The following TRIML1 variants were observed in gnomAD, a reference collection of about 807,000 sequenced individuals.
The protein encoded by TRIML1 is probable E3 ubiquitin-protein ligase TRIML1.
In TRIML1, 34 loss-of-function variants were observed where a neutral mutation model predicts 32.3. The ratio of observed to expected loss-of-function variants is 1.05; its 90% CI spans 0.80 to 1.40. The LOEUF (loss-of-function observed/expected upper bound fraction) is 1.40, where lower values mean the gene tolerates loss of function less well. Ranked by LOEUF, TRIML1 falls within the 40% of genes most tolerant of loss-of-function variation. TRIML1 has a pLI of 0.00. For synonymous variants in TRIML1, 244 were observed against 226.6 expected, an observed-to-expected ratio of 1.08 and a Z score of -0.69; for missense variants, 595 against 574.9, an observed-to-expected ratio of 1.03 and a Z score of -0.36.
intron 5 of TRIML1, among the ~76,000 whole-genome samples, chr4:188,144,634 T>G (rs1734999927): frequency 6.6e-6 from 1 of 152,038 alleles, no homozygotes; most frequent in South Asian, 2.1e-4. Context: ...AGTGCTGGGA[T>G]TACAGGCGTG....
chr4:188,144,369 T>TTC (rs1734978387), intron 5 of TRIML1, among the ~76,000 whole-genome samples: 2 of 150,116 alleles, frequency 1.3e-5, no homozygotes, highest in South Asian at 2.1e-4. Context: ...GGGTCTTTTT[T>TTC]TTTTTTTCTT....
intron 2 of TRIML1, 86 bp downstream of exon 2, chr4:188,140,709 A>G: frequency 9.4e-7 from 1 of 1,058,502 alleles, no homozygotes; most frequent in East Asian, 2.4e-5. Context: ...AGGAAAAAAA[A>G]AAGACAAATT....
At chr4:188,143,900 GCAGTGGTGCTGATGGA>G (rs1018150278) in intron 4 of TRIML1, 40 bp downstream of exon 4, 89 of 1,613,818 alleles carry the variant, frequency 5.5e-5, no homozygotes, top group Non-Finnish European at 7.5e-5. Context: ...AAGCTGCGGG[GCAGTGGTGCTGATGGA>G]CAGTTCTGAG....
intron 1 of TRIML1, 111 bp downstream of exon 1, chr4:188,140,077 G>A: frequency 1.8e-6 from 2 of 1,136,390 alleles, no homozygotes; most frequent in Non-Finnish European, 1.2e-6. Context: ...GCCCATCTGA[G>A]CACCACATCA....
rs58714915 is a variant in TRIML1, at chr4:188,141,165, G to GTTTTTTTT, written c.504+554_504+561dup. 4.9e-4 allele frequency among the ~76,000 whole-genome samples: 58 copies of GTTTTTTTT among 118,812 alleles called. 1 individual carries two copies. Among genetic ancestry groups the GTTTTTTTT allele is most frequent in the East Asian group, 1.1e-3 (4 of 3,652 alleles). The allele number at this position is 118,812 out of a possible 152,430, so 77.9% of individuals were successfully genotyped here. On this transcript the variant is annotated intron_variant, in intron 2 of 5. Transcript: ENST00000332517. Reference sequence around the variant, plus strand: ...ATTCTCCCAATAGACTTTGAAATCTGTTTTTTTTTTTTTTTTTTTGGAGAT... The same window carrying GTTTTTTTT: ...ATTCTCCCAATAGACTTTGAAATCTGTTTTTTTTTTTTTTTTTTTTTTTTTTTGGAGAT...
chr4:188,142,239 T>TGTGTGTGA lies in TRIML1; in HGVS notation c.505-9_505-8insGTGAGTGT. Reference sequence around the variant, plus strand: ...GTGTGTGTGTGTGTGTGTGTGTGTGTGTGTTTTGGCAGGAAGAAACAAAGA... The same window carrying TGTGTGTGA: ...GTGTGTGTGTGTGTGTGTGTGTGTGTGTGTGTGAGTGTTTTGGCAGGAAGAAACAAAGA... On this transcript the variant is annotated splice_polypyrimidine_tract_variant and intron_variant, in intron 2 of 5. Coordinates refer to ENST00000332517, the MANE Select transcript of TRIML1 (RefSeq NM_178556.5). 7.1e-7 allele frequency: 1 copy of TGTGTGTGA among 1,415,264 alleles called. No homozygotes were observed. Among genetic ancestry groups the TGTGTGTGA allele is most frequent in the Middle Eastern group, 1.8e-4 (1 of 5,476 alleles). The allele number at this position is 1,415,264 out of a possible 1,614,324, so 87.7% of individuals were successfully genotyped here. A position where few individuals can be genotyped will look rare whatever the true frequency, so the allele number is the denominator to read the frequency against.
rs753740188 is a variant in TRIML1, at chr4:188,139,801, C to T, written c.243C>T (p.Leu81=). Residue 81 remains leucine, a synonymous_variant, in exon 1 of 6, where the codon CTC becomes CTT. Transcript: ENST00000332517. ...LGRLASIARQ[L]RSQVLQSEDE... is the part of the protein sequence containing the mutation. ...GGCTGGCCAGCATCGCCAGGCAGCT[C>T]CGGTCCCAGGTGCTGCAGAGCGAGG... The T allele has an allele frequency of 6.2e-7, 1 of 1,613,956 alleles. No homozygotes were observed. Among genetic ancestry groups the T allele is most frequent in the South Asian group, 1.1e-5 (1 of 91,080 alleles).
chr4:188,137,295 C>CTTTTTTTTTT (rs67050879), upstream of TRIML1, among the ~76,000 whole-genome samples: 3 of 58,758 alleles, frequency 5.1e-5, no homozygotes, highest in African/African-American at 6.4e-5. Context: ...TTATTGTAGT[C>CTTTTTTTTTT]TTTTTTTTTT....
In TRIML1 at chr4:188,143,707, T is replaced by C. The variant is rs1734948932; in HGVS notation, c.736-131T>C. 14 of 1,085,364 alleles carry C rather than the reference T, an allele frequency of 1.3e-5. No homozygotes were observed. In the South Asian group the frequency reaches 1.9e-4, roughly 15 times the overall value. The allele number at this position is 1,085,364 out of a possible 1,614,324, so 67.2% of individuals were successfully genotyped here. ...ACTGGGGACGCTTTTCTCTGCTCTC[T>C]GTGCTCCCACTCATGGTGTGCTTCA... is the stretch of plus-strand genomic sequence containing the variant. On this transcript the variant is annotated intron_variant, in intron 3 of 5. Coordinates refer to ENST00000332517, the MANE Select transcript of TRIML1 (RefSeq NM_178556.5).
chr4:188,147,591 G>T lies in TRIML1; in HGVS notation c.*219G>T. 2.6e-6 allele frequency: 1 copy of T among 390,872 alleles called. No homozygotes were observed. The highest frequency in any genetic ancestry group is 4.4e-5 in the Admixed American group (1 of 22,484). The allele number at this position is 390,872 out of a possible 1,614,324, so 24.2% of individuals were successfully genotyped here. A position where few individuals can be genotyped will look rare whatever the true frequency, so the allele number is the denominator to read the frequency against. ...TAGAAGAGAGCTGATCATATTCTGT[G>T]TCTTTAAGTAAATGTATTCTCTGGG... On this transcript the variant is annotated 3_prime_UTR_variant, in exon 6 of 6. Coordinates refer to ENST00000332517, the MANE Select transcript of TRIML1 (RefSeq NM_178556.5).
upstream of TRIML1, among the ~76,000 whole-genome samples, chr4:188,138,863 C>A (rs192574607): frequency 6.6e-6 from 1 of 151,982 alleles, no homozygotes; most frequent in Non-Finnish European, 1.5e-5. Context: ...CAGGGAAGAT[C>A]AATAAACAGC....
At chr4:188,150,337 C>A (rs1339100565), downstream of TRIML1, among the ~76,000 whole-genome samples, 1 of 151,676 alleles carries the variant, frequency 6.6e-6, no homozygotes. Flanking sequence ...CCATGTTGGC[C>A]AGGCTGGTCT....
intron 2 of TRIML1, chr4:188,140,968 G>A (rs1048983956): frequency 1.5e-4 from 26 of 170,648 alleles, no homozygotes; most frequent in African/African-American, 4.8e-4. Context: ...AAACATGGAG[G>A]GGAAAATGCA....
Position 188,145,466 on chromosome 4 carries a change from AAAAAAAAAAAG to A in TRIML1, c.856+1334_856+1344del, listed in dbSNP as rs1290454358. Among the ~76,000 whole-genome samples the A allele has an allele frequency of 7.1e-4, 35 of 49,612 alleles. 1 individual carries two copies. Among genetic ancestry groups the A allele is most frequent in the Admixed American group, 2.2e-3 (6 of 2,738 alleles). The allele number at this position is 49,612 out of a possible 152,430, so 32.5% of individuals were successfully genotyped here. ...CAAAAAAAAAAAAAAAAAAAAAAAA[AAAAAAAAAAAG>A]TCAGAAATGGAATGACTGGGGTACC... On this transcript the variant is annotated intron_variant, in intron 5 of 5. Transcript: ENST00000332517.
chr4:188,139,479 C>T lies in TRIML1; in HGVS notation c.-80C>T, dbSNP rs1233308736. 3.5e-6 allele frequency: 5 copies of T among 1,443,826 alleles called. No individual in the cohort carries two copies. In the African/African-American group the frequency reaches 5.7e-5, roughly 16 times the overall value. 89.4% of individuals were successfully genotyped at this position (1,443,826 alleles called of 1,614,324 possible). A position where few individuals can be genotyped will look rare whatever the true frequency, so the allele number is the denominator to read the frequency against. ...AGGAACAGGTCACCCGCGTGTTACTCAAAACTGTAGGACGGCAGTGAGGGC... is the reference window on the plus strand; with the variant it reads ...AGGAACAGGTCACCCGCGTGTTACTTAAAACTGTAGGACGGCAGTGAGGGC... On this transcript the variant is annotated 5_prime_UTR_variant, in exon 1 of 6. Coordinates refer to ENST00000332517, the MANE Select transcript of TRIML1 (RefSeq NM_178556.5).
chr4:188,143,803 C>A (rs1437236151), intron 3 of TRIML1, 35 bp from the exon 4 acceptor site: 1 of 1,613,592 alleles, frequency 6.2e-7, no homozygotes, highest in South Asian at 1.1e-5. Flanking sequence ...ATGATCAAAG[C>A]GCACCATGCT....
chr4:188,138,599 A>G (rs1462735365), upstream of TRIML1, among the ~76,000 whole-genome samples: 2 of 152,094 alleles, frequency 1.3e-5, no homozygotes, highest in Non-Finnish European at 2.9e-5. Flanking sequence ...CACACTAGGC[A>G]TTTACTTTTT....
downstream of TRIML1, among the ~76,000 whole-genome samples, chr4:188,150,544 T>C (rs376436567): frequency 6.6e-6 from 1 of 152,258 alleles, no homozygotes; most frequent in African/African-American, 2.4e-5. Flanking sequence ...TTACCAAAAA[T>C]CCCAGTTTTG....
rs771630471 is a variant in TRIML1, at chr4:188,147,046, T to G, written c.1081T>G (p.Ser361Ala). 2.5e-6 allele frequency: 4 copies of G among 1,612,662 alleles called. No individual in the cohort carries two copies. The South Asian group carries it at 4.4e-5, about 18-fold the overall frequency. ...TEWEVGICKD[S>A]VSRKGNLPKP... ...GTGGGAAGTGGGCATCTGCAAGGAC[T>G]CTGTGAGCAGAAAGGGGAATCTCCC... is the stretch of plus-strand genomic sequence containing the variant. The change falls in exon 6 of 6, where the codon TCT (serine) becomes GCT (alanine). Residue 361 changes from serine to alanine, a missense_variant. Physicochemically the swap from Ser to Ala is moderately conservative, Grantham distance 99. Transcript: ENST00000332517.
Sources: gnomAD v4.1 joint callset for allele counts (sites outside exome capture counted in the v4.1 genomes callset) on GRCh38, gnomAD v4.1.1 for gene constraint, MANE v1.5 for transcripts, NCBI Gene and HGNC (gene_info 2026-07-23, HGNC 2026-07-21) for gene names.